CEP44: variants seen among roughly 807,000 people sequenced by gnomAD.
CEP44 encodes centrosomal protein of 44 kDa.
A neutral mutation model predicts 46.7 loss-of-function variants in CEP44; 45 were observed. The observed-to-expected ratio is 0.96, with a 90% CI of 0.76 to 1.24. The LOEUF is 1.24. CEP44 is among the 50% of genes most tolerant of loss of function. The probability of loss-of-function intolerance (pLI) is 0.00; values close to 1 mark genes in which losing one functional copy is unlikely to be tolerated. For missense variants in CEP44, 475 were observed against 459.7 expected (o/e 1.03, Z -0.30); for synonymous variants, 142 against 146.0 (o/e 0.97, Z 0.20).
intron 9 of CEP44, among the ~76,000 whole-genome samples, chr4:174,315,159 T>TC (rs1741514934): frequency 6.6e-6 from 1 of 152,074 alleles, no homozygotes; most frequent in South Asian, 2.1e-4. Context: ...AATAGTTTGT[T>TC]CCCCAATTAA....
chr4:174,301,747 GAGT>G lies in CEP44; in HGVS notation c.90-289_90-287del, dbSNP rs1449835772. 8.5e-5 allele frequency among the ~76,000 whole-genome samples: 13 copies of G among 152,096 alleles called. No homozygotes were observed. The highest frequency in any genetic ancestry group is 3.1e-4 in the African/African-American group (13 of 41,426). The stretch of plus-strand genomic sequence containing the variant: ...TTGCTTTTATTAGTAGTAGAAAATG[GAGT>G]AGATCACGTAAGACTAAGCTTTGGA... On this transcript the variant is annotated intron_variant, in intron 3 of 11. Transcript: ENST00000503780. The surrounding 1 kb of genome is among the most constrained non-coding windows in gnomAD (Gnocchi z 4.3).
intron 6 of CEP44, among the ~76,000 whole-genome samples, chr4:174,308,265 G>A (rs1392096725): frequency 6.6e-6 from 1 of 152,090 alleles, no homozygotes; most frequent in African/African-American, 2.4e-5. Flanking sequence ...AGAAGATGTG[G>A]TACATACACA....
chr4:174,328,947 T>A (rs188516714), intron 8 of CEP44, among the ~76,000 whole-genome samples: 37 of 146,496 alleles, frequency 2.5e-4, no homozygotes, highest in African/African-American at 8.1e-4. Context: ...ATACTTTTCC[T>A]TTTCTTTTTT....
intron 1 of CEP44, among the ~76,000 whole-genome samples, chr4:174,293,438 G>A (rs893696017): frequency 2.0e-5 from 3 of 152,074 alleles, no homozygotes; most frequent in African/African-American, 7.2e-5. Flanking sequence ...GGGCTGGGGA[G>A]GTCCTGTTCC....
Position 174,302,078 on chromosome 4 carries a change from C to G in CEP44, c.129C>G (p.Ile43Met). ...KGDPAASLPI[I>M]SYSFTSYSPY... ...ACCCAGCAGCATCTTTGCCCATCAT[C>G]AGCTATTCTTTTACCTCATACTCAC... The change falls in exon 4 of 12, where the codon ATC becomes ATG. Residue 43 changes from isoleucine to methionine, a missense_variant. Physicochemically the swap from Ile to Met is conservative, Grantham distance 10 (BLOSUM62 1). Coordinates refer to ENST00000503780, the MANE Select transcript of CEP44 (RefSeq NM_001040157.3). The G allele has an allele frequency of 4.3e-6, 7 of 1,611,106 alleles. No homozygotes were observed. The highest frequency in any genetic ancestry group is 5.1e-6 in the Non-Finnish European group (6 of 1,179,238).
chr4:174,283,791 GA>G (rs141748613), upstream of CEP44: 24,418 of 398,312 alleles, frequency 0.061, 977 homozygotes, highest in South Asian at 0.22. The surrounding 1 kb of genome is among the most constrained non-coding windows in gnomAD (Gnocchi z 6.7). Context: ...ATCAAGATCA[GA>G]AAAACTTCTC....
intron 1 of CEP44, among the ~76,000 whole-genome samples, chr4:174,294,398 T>A (rs1341022884): frequency 6.6e-6 from 1 of 152,028 alleles, no homozygotes; most frequent in Non-Finnish European, 1.5e-5. Flanking sequence ...GGCAGAAGAA[T>A]TTTTCTTAGT....
At position 174,288,752 on chromosome 4, in the gene CEP44, A is replaced by G. The variant is rs1737835594; in HGVS notation, c.-148+4809A>G. ...TGTTTTTAATTTATTTTTCTTACCTAGTTATTCTGGCTAGGACTTAAAATA... is the reference window on the plus strand; with the variant it reads ...TGTTTTTAATTTATTTTTCTTACCTGGTTATTCTGGCTAGGACTTAAAATA... On this transcript the variant is annotated intron_variant, in intron 1 of 11. Transcript: ENST00000503780. This position sits in a 1 kb window ranked among gnomAD's most constrained non-coding sequence, Gnocchi z 4.6. Among the ~76,000 whole-genome samples, 1 of 152,028 alleles carries G rather than the reference A, an allele frequency of 6.6e-6. No homozygotes were observed. Among genetic ancestry groups the G allele is most frequent in the Non-Finnish European group, 1.5e-5 (1 of 67,962 alleles).
Position 174,316,561 on chromosome 4 carries a change from A to C in CEP44, c.1118A>C (p.Lys373Thr). 6.3e-7 allele frequency: 1 copy of C among 1,590,746 alleles called. No homozygotes were observed. The highest frequency in any genetic ancestry group is 2.2e-5 in the East Asian group (1 of 44,712). Reference protein sequence around the residue: ...ETTIQKMERMKKMFEETAELL... With the variant: ...ETTIQKMERMTKMFEETAELL... Reference sequence around the variant, plus strand: ...ACAATCCAGAAAATGGAAAGGATGAAAAAAATGTAAGTAACAGAAAGGGGC... The same window carrying C: ...ACAATCCAGAAAATGGAAAGGATGACAAAAATGTAAGTAACAGAAAGGGGC... Residue 373 changes from lysine (K) to threonine (T), a missense_variant, in exon 11 of 12, where the codon AAA becomes ACA. By Grantham distance (78) the Lys-to-Thr change is moderately conservative (BLOSUM62 -1). Coordinates refer to ENST00000503780, the MANE Select transcript of CEP44 (RefSeq NM_001040157.3).
chr4:174,320,413 T>C, downstream of CEP44: 10 of 668,146 alleles, frequency 1.5e-5, no homozygotes, highest in Non-Finnish European at 1.7e-5. Flanking sequence ...TATAACCTTC[T>C]CAATTTTATA....
rs894897886 is a variant in CEP44 at position 174,317,992 on chromosome 4, T to C, written c.*609T>C. The C allele has an allele frequency of 1.0e-6, 1 of 984,598 alleles. No individual in the cohort carries two copies. Among genetic ancestry groups the C allele is most frequent in the Non-Finnish European group, 1.2e-6 (1 of 829,258 alleles). The allele number at this position is 984,598 out of a possible 1,614,324, so 61.0% of individuals were successfully genotyped here. ...GCTGGAGGACTATGGTCCTCAAGTT[T>C]AGACCAAGAGGACTATGGTCTCAAG... is the stretch of plus-strand genomic sequence containing the variant. On this transcript the variant is annotated 3_prime_UTR_variant, in exon 12 of 12. Transcript: ENST00000503780.
chr4:174,317,824 T>A lies in CEP44; in HGVS notation c.*441T>A. 1.0e-6 allele frequency: 1 copy of A among 985,974 alleles called. No homozygotes were observed. 61.1% of individuals were successfully genotyped at this position (985,974 alleles called of 1,614,324 possible). ...CTTGGCATCTGTACTGATGAATAAG[T>A]TATAATGAACAGTTAAAAATGCTCA... is the stretch of plus-strand genomic sequence containing the variant. On this transcript the variant is annotated 3_prime_UTR_variant, in exon 12 of 12. Coordinates refer to ENST00000503780, the MANE Select transcript of CEP44 (RefSeq NM_001040157.3).
At position 174,303,969 on chromosome 4, in the gene CEP44, T is replaced by G. The variant is rs766971082; in HGVS notation, c.384+120T>G. On this transcript the variant is annotated intron_variant, in intron 5 of 11. Transcript: ENST00000503780. ...TTTCATAGTGTAATTACTGTATTAT[T>G]CAAAGATTTGAGTAACCTTATAAAG... 6.6e-4 allele frequency: 506 copies of G among 761,510 alleles called. 2 individuals are homozygous for G. Among genetic ancestry groups the G allele is most frequent in the Non-Finnish European group, 1.1e-4 (57 of 499,830 alleles). 47.2% of individuals were successfully genotyped at this position (761,510 alleles called of 1,614,324 possible). A position where few individuals can be genotyped will look rare whatever the true frequency, so the allele number is the denominator to read the frequency against.
rs1409025097 is a variant in CEP44 at position 174,308,717 on chromosome 4, A to G, written c.536A>G (p.Tyr179Cys). 2 of 1,611,592 alleles carry G rather than the reference A, an allele frequency of 1.2e-6. No homozygotes were observed. The highest frequency in any genetic ancestry group is 4.5e-5 in the East Asian group (2 of 44,784). ...KKKAVVIRHL[Y>C]NEDNVDISED... ...AAAGCTGTGGTGATTCGTCACTTGT[A>G]TAATGAAGATAATGTTGACATTTCT... The change falls in exon 7 of 12, where the codon TAT (tyrosine) becomes TGT (cysteine). Residue 179 changes from tyrosine to cysteine, a missense_variant. Tyr to Cys is a radical substitution (Grantham distance 194). Transcript: ENST00000503780.
chr4:174,322,839 G>A (rs1259692342), downstream of CEP44, among the ~76,000 whole-genome samples: 2 of 151,848 alleles, frequency 1.3e-5, no homozygotes, highest in African/African-American at 2.4e-5. Flanking sequence ...TCTGTATTTG[G>A]TCACATATTT....
chr4:174,284,058 C>A, intron 1 of CEP44, 115 bp downstream of exon 1: 1 of 399,292 alleles, frequency 2.5e-6, no homozygotes, highest in Non-Finnish European at 4.4e-6. Flanking sequence ...ACTCTGGTGA[C>A]TGTGTATGGT....
At chr4:174,292,188 T>C (rs1738311161) in intron 1 of CEP44, among the ~76,000 whole-genome samples, 1 of 152,178 alleles carries the variant, frequency 6.6e-6, no homozygotes, top group Non-Finnish European at 1.5e-5. Flanking sequence ...TCATTCCCTC[T>C]CTCCTGGCCT....
intron 3 of CEP44, among the ~76,000 whole-genome samples, chr4:174,300,601 A>G (rs541181251): frequency 1.6e-4 from 25 of 152,260 alleles, no homozygotes; most frequent in African/African-American, 5.5e-4. Flanking sequence ...TTAGATTATT[A>G]TATAACATAC....
At position 174,287,459 on chromosome 4, in the gene CEP44, C is replaced by G. The variant is rs1737694262; in HGVS notation, c.-148+3516C>G. On this transcript the variant is annotated intron_variant, in intron 1 of 11. Coordinates refer to ENST00000503780, the MANE Select transcript of CEP44 (RefSeq NM_001040157.3). This position sits in a 1 kb window ranked among gnomAD's most constrained non-coding sequence, Gnocchi z 5.1. ...GGAGAGGGAAGGAGTTGCTCTGTAT[C>G]TCTTCAAGCTTGAAGAAATGGCATG... Among the ~76,000 whole-genome samples the G allele has an allele frequency of 6.6e-6, 1 of 152,120 alleles. No homozygotes were observed. Among genetic ancestry groups the G allele is most frequent in the Non-Finnish European group, 1.5e-5 (1 of 68,026 alleles).
Sources: gnomAD v4.1 joint callset for allele counts (sites outside exome capture counted in the v4.1 genomes callset) on GRCh38, gnomAD v4.1.1 for gene constraint, Gnocchi (gnomAD v3.1) non-coding constraint, MANE v1.5 for transcripts, NCBI Gene and HGNC (gene_info 2026-07-23, HGNC 2026-07-21) for gene names.